UBR3: variants seen among roughly 807,000 people sequenced by gnomAD.
UBR3 encodes ubiquitin protein ligase E3 component n-recognin 3, also known as E3 ubiquitin-protein ligase UBR3.
Under a neutral mutation model 243.2 loss-of-function variants are expected in UBR3, and 85 were observed. That is an observed-to-expected ratio of 0.35 (90% CI 0.29 to 0.42). The LOEUF (loss-of-function observed/expected upper bound fraction) is 0.42. Ranked by LOEUF, UBR3 falls within the 10% of genes least tolerant of loss-of-function variation. The probability of loss-of-function intolerance (pLI) is 1.00; values close to 1 mark genes in which losing one functional copy is unlikely to be tolerated. For synonymous variants in UBR3, 748 were observed against 799.8 expected (o/e 0.94, Z 1.09); for missense variants, 1,686 against 2,300.8 (o/e 0.73, Z 5.47).
chr2:169,927,805 A>C (rs549618577), intron 17 of UBR3, among the ~76,000 whole-genome samples: 1 of 152,304 alleles, frequency 6.6e-6, no homozygotes, highest in South Asian at 2.1e-4. Context: ...TATTACCAGG[A>C]TTTTAAACAT....
At chr2:169,843,092 C>CCT (rs1398769708) in intron 1 of UBR3, among the ~76,000 whole-genome samples, 4 of 152,288 alleles carry the variant, frequency 2.6e-5, no homozygotes, top group African/African-American at 9.6e-5. Context: ...ACTACTCCAG[C>CCT]CTCTACCTAT....
Position 170,008,864 on chromosome 2 carries a change from C to G in UBR3, c.4291C>G (p.Gln1431Glu), listed in dbSNP as rs1484968744. The G allele has an allele frequency of 1.3e-6, 2 of 1,563,132 alleles. No individual in the cohort carries two copies. Among genetic ancestry groups the G allele is most frequent in the Non-Finnish European group, 1.7e-6 (2 of 1,144,524 alleles). The part of the protein sequence containing the change: ...SVMKDIKNTT[Q>E]KKYRDYSKTP... ...AATGAAAGATATAAAAAATACCACT[C>G]AGAAGAAATATAGAGACTATAGCAA... The change falls in exon 29 of 39, where the codon CAG (glutamine) becomes GAG (glutamate). Residue 1431 changes from glutamine to glutamate, a missense_variant. Physicochemically the swap from Gln to Glu is conservative, Grantham distance 29. Around this residue, in one of 8 missense-constraint regions of UBR3, gnomAD observed 371 missense variants for 422.5 expected, o/e 0.88. Transcript: ENST00000272793.
At chr2:169,840,306 C>A (rs910050766) in intron 1 of UBR3, among the ~76,000 whole-genome samples, 6 of 152,162 alleles carry the variant, frequency 3.9e-5, no homozygotes, top group African/African-American at 1.4e-4. Flanking sequence ...TTTCTGGCTG[C>A]TTGTAGTTAG....
chr2:169,923,319 A>G (rs1291326022), intron 11 of UBR3, among the ~76,000 whole-genome samples: 1 of 152,178 alleles, frequency 6.6e-6, no homozygotes, highest in East Asian at 1.9e-4. Flanking sequence ...ACAGTTTTGA[A>G]TATGACAGTG....
chr2:170,055,363 C>T (rs1005567291), intron 32 of UBR3, 97 bp from the exon 33 acceptor site: 1 of 1,423,526 alleles, frequency 7.0e-7, no homozygotes, highest in African/African-American at 1.4e-5. Flanking sequence ...AAAACAAAAA[C>T]CAATTACATA....
chr2:170,068,903 A>T (rs1323028472), intron 35 of UBR3, among the ~76,000 whole-genome samples: 2 of 152,196 alleles, frequency 1.3e-5, no homozygotes. Context: ...ACTAAAACTG[A>T]CTCAAGAAGA....
intron 25 of UBR3, 139 bp from the exon 26 acceptor site, chr2:169,994,184 C>CT: frequency 1.0e-6 from 1 of 983,852 alleles, no homozygotes; most frequent in Admixed American, 2.8e-5. Flanking sequence ...TAGAATACCA[C>CT]TTTTTTGAGG....
intron 3 of UBR3, 57 bp from the exon 4 acceptor site, chr2:169,877,437 C>A: frequency 6.9e-7 from 1 of 1,441,382 alleles, no homozygotes; most frequent in Non-Finnish European, 9.3e-7. Flanking sequence ...AATGAAAAGA[C>A]CATACTGAGA....
chr2:170,042,106 T>C (rs895861460), intron 32 of UBR3, among the ~76,000 whole-genome samples: 7 of 152,218 alleles, frequency 4.6e-5, no homozygotes, highest in African/African-American at 1.7e-4. Flanking sequence ...TCTGTGCCTA[T>C]TAAGCAGTCA....
chr2:169,835,252 G>A (rs555044315), intron 1 of UBR3, among the ~76,000 whole-genome samples: 1 of 152,012 alleles, frequency 6.6e-6, no homozygotes, highest in East Asian at 1.9e-4. Context: ...AGCTACTCCC[G>A]AGGCTGAGTT....
intron 14 of UBR3, among the ~76,000 whole-genome samples, chr2:169,926,000 C>CAGGAAAGGCA (rs146972880): frequency 1.3e-5 from 2 of 151,988 alleles, no homozygotes; most frequent in South Asian, 2.1e-4. Flanking sequence ...GGGGTTTCTG[C>CAGGAAAGGCA]AGGAAAGGCA....
intron 13 of UBR3, among the ~76,000 whole-genome samples, chr2:169,924,379 T>C (rs1020387362): frequency 1.5e-4 from 23 of 152,364 alleles, no homozygotes; most frequent in African/African-American, 5.3e-4. Flanking sequence ...CCAGGAATTC[T>C]TTTCATGATA....
intron 24 of UBR3, among the ~76,000 whole-genome samples, chr2:169,985,702 A>G (rs2088969955): frequency 6.6e-6 from 1 of 151,864 alleles, no homozygotes; most frequent in African/African-American, 2.4e-5. Context: ...TTTTATTTCC[A>G]TTAATACTAG....
At chr2:170,044,705 G>A (rs1312719330) in intron 32 of UBR3, among the ~76,000 whole-genome samples, 1 of 152,150 alleles carries the variant, frequency 6.6e-6, no homozygotes, top group Non-Finnish European at 1.5e-5. Context: ...CATGTAGAAA[G>A]AAGTGTGAAA....
Position 169,827,924 on chromosome 2 carries a change from G to A in UBR3, c.417G>A (p.Ser139=), listed in dbSNP as rs930347958. Residue 139 remains serine (S), a synonymous_variant, in exon 1 of 39, where the codon TCG becomes TCA. Coordinates refer to ENST00000272793, the MANE Select transcript of UBR3 (RefSeq NM_172070.4). The part of the protein sequence containing the change: ...VAYRCRTCGI[S]PCMSLCAECF... ...ACCGCTGCCGGACGTGCGGCATCTC[G>A]CCCTGCATGTCGCTGTGCGCCGAGT... 3 of 1,508,090 alleles carry A rather than the reference G, an allele frequency of 2.0e-6. No homozygotes were observed. The highest frequency in any genetic ancestry group is 2.7e-6 in the Non-Finnish European group (3 of 1,130,856). The allele number at this position is 1,508,090 out of a possible 1,614,324, so 93.4% of individuals were successfully genotyped here. A position where few individuals can be genotyped will look rare whatever the true frequency, so the allele number is the denominator to read the frequency against.
rs2084321668 is a variant in UBR3 at position 169,890,569 on chromosome 2, A to ATATATATG, written c.1039-589_1039-588insGTATATAT. On this transcript the variant is annotated intron_variant, in intron 5 of 38. Coordinates refer to ENST00000272793, the MANE Select transcript of UBR3 (RefSeq NM_172070.4). ...TATATATATATATATATATATGTGTATATATATATATGTATATATATATGT... is the reference window on the plus strand; with the variant it reads ...TATATATATATATATATATATGTGTATATATATGTATATATATATGTATATATATATGT... Among the ~76,000 whole-genome samples, 957 of 100,356 alleles carry ATATATATG rather than the reference A, an allele frequency of 9.5e-3. 26 individuals are homozygous for ATATATATG. Among genetic ancestry groups the ATATATATG allele is most frequent in the Middle Eastern group, 0.024 (5 of 210 alleles). The allele number at this position is 100,356 out of a possible 152,430, so 65.8% of individuals were successfully genotyped here. A position where few individuals can be genotyped will look rare whatever the true frequency, so the allele number is the denominator to read the frequency against.
At chr2:170,009,533 A>G (rs1017419318) in intron 29 of UBR3, among the ~76,000 whole-genome samples, 2 of 152,152 alleles carry the variant, frequency 1.3e-5, no homozygotes, top group Admixed American at 6.5e-5. Flanking sequence ...ATTGTATGCA[A>G]TACAGAAGCA....
intron 10 of UBR3, 82 bp downstream of exon 10, chr2:169,906,246 G>A: frequency 7.1e-7 from 1 of 1,404,612 alleles, no homozygotes; most frequent in Non-Finnish European, 9.4e-7. Context: ...TGTATATAAT[G>A]TGCAGTGTTT....
intron 1 of UBR3, among the ~76,000 whole-genome samples, chr2:169,865,369 T>G (rs1344318032): frequency 1.3e-5 from 2 of 152,158 alleles, no homozygotes; most frequent in South Asian, 4.1e-4. Context: ...TTCGTCAGTC[T>G]TACAGTATAT....
Sources: allele counts gnomAD v4.1 joint callset (sites outside exome capture counted in the v4.1 genomes callset), GRCh38; gene constraint gnomAD v4.1.1; regional missense constraint gnomAD v4.1.1; transcripts MANE v1.5; gene names NCBI Gene and HGNC (gene_info 2026-07-23, HGNC 2026-07-21).